The following PTPN12 variants were observed in gnomAD, a reference collection of about 807,000 sequenced individuals.
The protein encoded by PTPN12 is protein tyrosine phosphatase non-receptor type 12, also known as tyrosine-protein phosphatase non-receptor type 12.
PTPN12 carries 29 observed loss-of-function variants against 97.6 expected under a neutral mutation model. That is an observed-to-expected ratio of 0.30 (90% CI 0.22 to 0.41). PTPN12 has a LOEUF of 0.41. PTPN12 is among the 10% of genes least tolerant of loss of function. The pLI is 1.00. For missense variants in PTPN12, 819 were observed against 926.0 expected, an observed-to-expected ratio of 0.88 and a Z score of 1.50; for synonymous variants, 327 against 300.4, an observed-to-expected ratio of 1.09 and a Z score of -0.91.
chr7:77,588,399 T>G (rs1328738578), intron 5 of PTPN12, among the ~76,000 whole-genome samples: 1 of 152,216 alleles, frequency 6.6e-6, no homozygotes, highest in Non-Finnish European at 1.5e-5. Flanking sequence ...GTGAGAATGC[T>G]CACAACATCT....
chr7:77,619,596 A>G (rs896924763), intron 12 of PTPN12, among the ~76,000 whole-genome samples: 2 of 152,218 alleles, frequency 1.3e-5, no homozygotes, highest in Non-Finnish European at 2.9e-5. Flanking sequence ...TTACATAAAT[A>G]GGTCCCATTC....
intron 8 of PTPN12, among the ~76,000 whole-genome samples, chr7:77,601,515 T>C (rs1176022708): frequency 1.3e-5 from 2 of 152,154 alleles, no homozygotes; most frequent in Non-Finnish European, 2.9e-5. Flanking sequence ...ATGACTTTCT[T>C]TTTTTAATAT....
At chr7:77,547,295 C>G (rs1807270817) in intron 1 of PTPN12, among the ~76,000 whole-genome samples, 1 of 152,274 alleles carries the variant, frequency 6.6e-6, no homozygotes, top group South Asian at 2.1e-4. Context: ...AGGAAGTTTA[C>G]TAACTGAACA....
chr7:77,600,168 A>C (rs1788147335), intron 7 of PTPN12, among the ~76,000 whole-genome samples: 1 of 152,186 alleles, frequency 6.6e-6, no homozygotes, highest in Non-Finnish European at 1.5e-5. Flanking sequence ...GGCATTGGAC[A>C]AATTCATCTC....
chr7:77,547,638 GA>G (rs1307205993), intron 1 of PTPN12, among the ~76,000 whole-genome samples: 1 of 152,168 alleles, frequency 6.6e-6, no homozygotes, highest in Non-Finnish European at 1.5e-5. Flanking sequence ...GTAGTCAAAG[GA>G]ATTTGAGATG....
At chr7:77,564,189 T>C (rs1012054772) in intron 1 of PTPN12, 1 of 160,502 alleles carries the variant, frequency 6.2e-6, no homozygotes, top group African/African-American at 2.4e-5. Context: ...CATATACATA[T>C]TTTTATGTAA....
At chr7:77,591,913 T>A (rs1157152937) in intron 5 of PTPN12, among the ~76,000 whole-genome samples, 1 of 152,122 alleles carries the variant, frequency 6.6e-6, no homozygotes, top group East Asian at 1.9e-4. Flanking sequence ...TAGAGGAGGA[T>A]CTTTGGTCTA....
rs984678528 is a variant in PTPN12, at chr7:77,562,633, G to A, written c.100-8445G>A. 9.5e-4 allele frequency among the ~76,000 whole-genome samples: 145 copies of A among 152,152 alleles called. 2 individuals carry two copies. The highest frequency in any genetic ancestry group is 4.8e-5 in the African/African-American group (2 of 41,418). On this transcript the variant is annotated intron_variant, in intron 1 of 17. Transcript: ENST00000248594. ...TTGGCGGAACATCAGTGGAACCAGC[G>A]ATTGCTAAGTTAAATATATACAGGG...
chr7:77,585,667 T>A, intron 5 of PTPN12, 86 bp downstream of exon 5: 1 of 1,175,716 alleles, frequency 8.5e-7, no homozygotes, highest in Non-Finnish European at 1.2e-6. Context: ...ACATAAGCGG[T>A]TAATGTAGAT....
chr7:77,632,454 C>T (rs759080126), intron 14 of PTPN12, 29 bp downstream of exon 14: 6 of 1,497,640 alleles, frequency 4.0e-6, no homozygotes, highest in Non-Finnish European at 5.6e-6. Context: ...TTTACATTTA[C>T]TTCATATTCT....
At chr7:77,613,755 T>C (rs1788654996) in intron 11 of PTPN12, among the ~76,000 whole-genome samples, 1 of 151,960 alleles carries the variant, frequency 6.6e-6, no homozygotes, top group East Asian at 1.9e-4. Context: ...AGTTTATTTT[T>C]TTTATAGAGA....
At chr7:77,564,152 T>G (rs1252650295) in intron 1 of PTPN12, 2 of 191,580 alleles carry the variant, frequency 1.0e-5, no homozygotes, top group African/African-American at 4.7e-5. Flanking sequence ...GTGCTGGGAT[T>G]ACAGGCACAA....
At chr7:77,611,527 C>T (rs909122106) in intron 11 of PTPN12, among the ~76,000 whole-genome samples, 5 of 152,210 alleles carry the variant, frequency 3.3e-5, no homozygotes, top group Non-Finnish European at 5.9e-5. Context: ...TCACTGCAAC[C>T]TCTACCTCCC....
intron 1 of PTPN12, among the ~76,000 whole-genome samples, chr7:77,554,541 T>A (rs1807615803): frequency 6.6e-6 from 1 of 152,246 alleles, no homozygotes; most frequent in African/African-American, 2.4e-5. Flanking sequence ...AGTTTTAATT[T>A]TACTTTCATT....
chr7:77,577,263 G>A (rs1320263175), intron 2 of PTPN12, among the ~76,000 whole-genome samples: 3 of 152,136 alleles, frequency 2.0e-5, no homozygotes, highest in Admixed American at 1.3e-4. Flanking sequence ...TTTCAAATGT[G>A]TCACTGCCAT....
chr7:77,582,073 G>A lies in PTPN12; in HGVS notation c.285+570G>A, dbSNP rs542987884. Among the ~76,000 whole-genome samples, 9 of 124,080 alleles carry A rather than the reference G, an allele frequency of 7.3e-5. No individual in the cohort carries two copies. The South Asian group carries it at 1.9e-3, about 27-fold the overall frequency. 81.4% of individuals were successfully genotyped at this position (124,080 alleles called of 152,430 possible). A position where few individuals can be genotyped will look rare whatever the true frequency, so the allele number is the denominator to read the frequency against. ...TTGTTTGGATACCCTTTGATGAAAA[G>A]CAGTCAAGTTCTTTTTTTTTTTTTT... is the stretch of plus-strand genomic sequence containing the variant. On this transcript the variant is annotated intron_variant, in intron 3 of 17. Coordinates refer to ENST00000248594, the MANE Select transcript of PTPN12 (RefSeq NM_002835.4).
At chr7:77,541,087 TTTG>T (rs769162558) in intron 1 of PTPN12, among the ~76,000 whole-genome samples, 3 of 152,072 alleles carry the variant, frequency 2.0e-5, no homozygotes, top group East Asian at 3.8e-4. Context: ...TTTGTTTTGT[TTTG>T]TTGTTTTGTT....
At chr7:77,537,703 TC>T in intron 1 of PTPN12, 58 bp downstream of exon 1, 1 of 1,513,766 alleles carries the variant, frequency 6.6e-7, no homozygotes, top group Non-Finnish European at 8.9e-7. Context: ...CATCGCCGCC[TC>T]TCCCGGCCGG....
At chr7:77,575,505 CA>C (rs1562722694) in intron 2 of PTPN12, among the ~76,000 whole-genome samples, 1 of 152,032 alleles carries the variant, frequency 6.6e-6, no homozygotes, top group African/African-American at 2.4e-5. Flanking sequence ...GAGACTGTCT[CA>C]AAAAATAAGA....
Sources: gnomAD v4.1 joint callset for allele counts (sites outside exome capture counted in the v4.1 genomes callset) on GRCh38, gnomAD v4.1.1 for gene constraint, MANE v1.5 for transcripts, NCBI Gene and HGNC (gene_info 2026-07-23, HGNC 2026-07-21) for gene names.